Variants in CCN4 observed in about 807,000 individuals in gnomAD.
The protein encoded by CCN4 is cellular communication network factor 4, also known as CCN family member 4.
A neutral mutation model predicts 36.7 loss-of-function variants in CCN4; 30 were observed. The observed-to-expected ratio is 0.82, with a 90% CI of 0.61 to 1.11. The LOEUF is 1.11. CCN4 is among the 50% of genes least tolerant of loss of function. The pLI is 0.00. For missense variants in CCN4, 505 were observed against 504.9 expected (o/e 1.00, Z 0.00); for synonymous variants, 191 against 195.4 (o/e 0.98, Z 0.19).
chr8:133,218,801 C>A (rs1854418511), intron 2 of CCN4, among the ~76,000 whole-genome samples: 1 of 152,142 alleles, frequency 6.6e-6, no homozygotes. Flanking sequence ...TCCCTGACTC[C>A]AAACTGGCTT....
intron 3 of CCN4, among the ~76,000 whole-genome samples, chr8:133,224,044 GC>G (rs3834380): frequency 0.52 from 78,792 of 151,750 alleles, 20,693 homozygotes; most frequent in Middle Eastern, 0.62. Context: ...CAGCCTGGGT[GC>G]TTTCATAGGC....
At chr8:133,209,864 C>T in intron 1 of CCN4, among the ~76,000 whole-genome samples, 1 of 152,202 alleles carries the variant, frequency 6.6e-6, no homozygotes, top group East Asian at 1.9e-4. Flanking sequence ...CTTCCAACTG[C>T]CCCCAAAGGG....
intron 1 of CCN4, among the ~76,000 whole-genome samples, chr8:133,209,036 G>A (rs933101120): frequency 3.3e-5 from 5 of 152,140 alleles, no homozygotes; most frequent in Non-Finnish European, 4.4e-5. Context: ...AGGCACCTTC[G>A]TCTCCTCCCA....
intron 1 of CCN4, among the ~76,000 whole-genome samples, chr8:133,204,637 C>T (rs1271762913): frequency 6.6e-6 from 1 of 152,224 alleles, no homozygotes; most frequent in Non-Finnish European, 1.5e-5. Context: ...TCACTACAGC[C>T]TCTGACTCCC....
Position 133,229,886 on chromosome 8 carries a change from T to C in CCN4, c.*2176T>C, listed in dbSNP as rs1241152186. 6.6e-6 allele frequency: 1 copy of C among 152,252 alleles called. No individual in the cohort carries two copies. Among genetic ancestry groups the C allele is most frequent in the African/African-American group, 2.4e-5 (1 of 41,474 alleles). The allele number at this position is 152,252 out of a possible 1,614,324, so 9.4% of individuals were successfully genotyped here. On this transcript the variant is annotated 3_prime_UTR_variant, in exon 5 of 5. Coordinates refer to ENST00000250160, the MANE Select transcript of CCN4 (RefSeq NM_003882.4). ...TGCAAGAATTCTTGTATAAAGAGAA[T>C]TCACTCCATGAATGATCTCTTCTGT... is the stretch of plus-strand genomic sequence containing the variant.
chr8:133,192,826 G>A (rs1310823606), intron 1 of CCN4, among the ~76,000 whole-genome samples: 3 of 152,222 alleles, frequency 2.0e-5, no homozygotes, highest in Non-Finnish European at 4.4e-5. Context: ...TCCCAGAACA[G>A]CCGGTGCTGA....
Position 133,220,785 on chromosome 8 carries a change from G to A in CCN4, c.554G>A (p.Cys185Tyr), listed in dbSNP as rs1854495093. The A allele has an allele frequency of 2.5e-6, 4 of 1,612,086 alleles. No homozygotes were observed. Among genetic ancestry groups the A allele is most frequent in the Non-Finnish European group, 3.4e-6 (4 of 1,179,254 alleles). The stretch of plus-strand genomic sequence containing the variant: ...GGCCACTGCTGTGAGCAGTGGGTAT[G>A]TGAGGACGACGCCAAGAGGCCACGC... Reference protein sequence around the residue: ...IPGHCCEQWVCEDDAKRPRKT... With the variant: ...IPGHCCEQWVYEDDAKRPRKT... Residue 185 changes from cysteine to tyrosine, a missense_variant, in exon 3 of 5, where the codon TGT (cysteine) becomes TAT (tyrosine). Coordinates refer to ENST00000250160, the MANE Select transcript of CCN4 (RefSeq NM_003882.4).
intron 1 of CCN4, among the ~76,000 whole-genome samples, chr8:133,203,139 A>G (rs961104137): frequency 6.6e-6 from 1 of 152,072 alleles, no homozygotes. Flanking sequence ...GACCGTCCAC[A>G]CTGCTCACGG....
chr8:133,225,331 T>C, intron 3 of CCN4, 59 bp from the exon 4 acceptor site: 1 of 1,500,548 alleles, frequency 6.7e-7, no homozygotes, highest in Non-Finnish European at 9.0e-7. Context: ...GTGGTGAAAG[T>C]GAGGGTTGGG....
At chr8:133,220,550 A>G in intron 2 of CCN4, 31 bp from the exon 3 acceptor site, 1 of 1,601,626 alleles carries the variant, frequency 6.2e-7, no homozygotes, top group African/African-American at 1.3e-5. Flanking sequence ...CACCAAGGCC[A>G]CTGGGCCTGA....
At chr8:133,221,997 G>GATGGATGA (rs1854551201) in intron 3 of CCN4, among the ~76,000 whole-genome samples, 1 of 151,988 alleles carries the variant, frequency 6.6e-6, no homozygotes, top group Admixed American at 6.5e-5. Flanking sequence ...TGGATGGATG[G>GATGGATGA]ATGGATGAAT....
chr8:133,191,329 G>A lies in CCN4; in HGVS notation c.69+116G>A, dbSNP rs1209519481. ...GGCCAGGAAGGTTTGGGGCTGGAAG[G>A]TGGCCACTTACAGGGCAAGGACAGA... On this transcript the variant is annotated intron_variant, in intron 1 of 4. Coordinates refer to ENST00000250160, the MANE Select transcript of CCN4 (RefSeq NM_003882.4). 1.3e-5 allele frequency: 17 copies of A among 1,259,876 alleles called. No homozygotes were observed. In the East Asian group the frequency reaches 4.1e-4, roughly 30 times the overall value. The allele number at this position is 1,259,876 out of a possible 1,614,324, so 78.0% of individuals were successfully genotyped here. A position where few individuals can be genotyped will look rare whatever the true frequency, so the allele number is the denominator to read the frequency against.
At chr8:133,191,600 A>G (rs1316325613) in intron 1 of CCN4, among the ~76,000 whole-genome samples, 1 of 152,170 alleles carries the variant, frequency 6.6e-6, no homozygotes. Flanking sequence ...GCGTAAAGCG[A>G]CGAAGTTGTT....
chr8:133,217,995 G>A (rs1396486019), intron 2 of CCN4, among the ~76,000 whole-genome samples: 2 of 128,692 alleles, frequency 1.6e-5, no homozygotes, highest in Non-Finnish European at 3.2e-5. Context: ...GGCAGAGGCA[G>A]GGTGACTCAG....
At chr8:133,211,251 CAGTAAATCCCTCGAGTTGT>C (rs1185127395) in intron 1 of CCN4, among the ~76,000 whole-genome samples, 1 of 152,174 alleles carries the variant, frequency 6.6e-6, no homozygotes, top group Admixed American at 6.5e-5. Context: ...CCTCGAGTTG[CAGTAAATCCCTCGAGTTGT>C]AGTAAATCAC....
At chr8:133,191,838 C>T (rs1853124377) in intron 1 of CCN4, among the ~76,000 whole-genome samples, 1 of 152,188 alleles carries the variant, frequency 6.6e-6, no homozygotes, top group South Asian at 2.1e-4. Context: ...ATACTTGGGT[C>T]CTGCCTATGA....
intron 3 of CCN4, among the ~76,000 whole-genome samples, chr8:133,221,327 A>G (rs528004465): frequency 1.6e-4 from 25 of 152,330 alleles, no homozygotes; most frequent in East Asian, 1.2e-3. Flanking sequence ...GACAGGCCCA[A>G]TTGTTTCACT....
chr8:133,193,684 A>G (rs1853197144), intron 1 of CCN4, among the ~76,000 whole-genome samples: 2 of 152,210 alleles, frequency 1.3e-5, no homozygotes, highest in Admixed American at 1.3e-4. Context: ...AGCAAGTGCA[A>G]TTATCCTCCT....
At chr8:133,217,936 C>CCACACACACACACGCACGCACACACA (rs56318195) in intron 2 of CCN4, among the ~76,000 whole-genome samples, 1 of 144,432 alleles carries the variant, frequency 6.9e-6, no homozygotes, top group Admixed American at 6.8e-5. Flanking sequence ...ACTCCCTTCT[C>CCACACACACACACGCACGCACACACA]CACACACACA....
Sources: gnomAD v4.1 joint callset for allele counts (sites outside exome capture counted in the v4.1 genomes callset) on GRCh38, gnomAD v4.1.1 for gene constraint, MANE v1.5 for transcripts, NCBI Gene and HGNC (gene_info 2026-07-23, HGNC 2026-07-21) for gene names.